The following SRPK1 variants were observed in gnomAD, a reference collection of about 807,000 sequenced individuals.
SRPK1 encodes SFRS protein kinase 1.
SRPK1 carries 52 observed loss-of-function variants against 89.5 expected under a neutral mutation model. The observed-to-expected ratio is 0.58, with a 90% CI of 0.46 to 0.73. SRPK1 has a LOEUF of 0.73. Among genes scored for constraint, SRPK1 ranks in the 30% least tolerant of loss-of-function variants. The pLI is 0.00. For missense variants in SRPK1, 603 were observed against 780.6 expected, an observed-to-expected ratio of 0.77 and a Z score of 2.71; for synonymous variants, 255 against 270.2, an observed-to-expected ratio of 0.94 and a Z score of 0.55.
At chr6:35,868,987 C>T (rs1286157284) in intron 12 of SRPK1, 23 bp downstream of exon 12, 5 of 1,599,098 alleles carry the variant, frequency 3.1e-6, no homozygotes, top group Admixed American at 3.4e-5. Context: ...CTTCAAAACA[C>T]CATTAAGGCA....
chr6:35,857,073 G>A, intron 13 of SRPK1, 188 bp downstream of exon 13: 1 of 516,132 alleles, frequency 1.9e-6, no homozygotes, highest in Non-Finnish European at 3.4e-6. Flanking sequence ...GAACTTAGCA[G>A]TAACCAAATG....
chr6:35,897,195 A>C (rs1426061323), intron 2 of SRPK1, among the ~76,000 whole-genome samples: 1 of 152,216 alleles, frequency 6.6e-6, no homozygotes, highest in Non-Finnish European at 1.5e-5. Flanking sequence ...AGATGGGTGA[A>C]TTTATGGCAT....
chr6:35,866,480 G>C (rs1769907672), intron 12 of SRPK1, among the ~76,000 whole-genome samples: 1 of 152,174 alleles, frequency 6.6e-6, no homozygotes, highest in African/African-American at 2.4e-5. Flanking sequence ...AGCTACGCGG[G>C]AAGGGTGAGG....
chr6:35,865,000 G>T (rs1769863571), intron 12 of SRPK1, among the ~76,000 whole-genome samples: 1 of 152,086 alleles, frequency 6.6e-6, no homozygotes, highest in Non-Finnish European at 1.5e-5. Context: ...TAGAACTCAA[G>T]GACACAGAGA....
intron 5 of SRPK1, 43 bp from the exon 6 acceptor site, chr6:35,886,854 G>C (rs1427896617): frequency 1.7e-5 from 19 of 1,144,126 alleles, no homozygotes; most frequent in Non-Finnish European, 2.4e-5. Flanking sequence ...GGTAAAGCAT[G>C]GAAATAAACC....
At chr6:35,892,025 C>G (rs1338079104) in intron 2 of SRPK1, among the ~76,000 whole-genome samples, 1 of 152,058 alleles carries the variant, frequency 6.6e-6, no homozygotes, top group Non-Finnish European at 1.5e-5. Flanking sequence ...GGAATATTTC[C>G]TTCTAGTCAG....
chr6:35,921,009 T>C (rs1243367765), intron 1 of SRPK1, 35 bp downstream of exon 1: 10 of 1,531,982 alleles, frequency 6.5e-6, no homozygotes, highest in East Asian at 2.6e-5. Flanking sequence ...CCGGCGACCA[T>C]TGCCCCTCGT....
At chr6:35,906,700 T>C (rs2127266335) in intron 2 of SRPK1, among the ~76,000 whole-genome samples, 1 of 152,230 alleles carries the variant, frequency 6.6e-6, no homozygotes, top group Admixed American at 6.5e-5. Flanking sequence ...TAGGTCCAGG[T>C]TTCTTTTGGA....
At chr6:35,886,395 A>AT (rs1770410703) in intron 6 of SRPK1, among the ~76,000 whole-genome samples, 1 of 152,156 alleles carries the variant, frequency 6.6e-6, no homozygotes, top group Non-Finnish European at 1.5e-5. Flanking sequence ...AGTATTTTTC[A>AT]TAAGAAATTA....
At chr6:35,849,791 A>T (rs1451813498) in intron 13 of SRPK1, among the ~76,000 whole-genome samples, 1 of 152,216 alleles carries the variant, frequency 6.6e-6, no homozygotes. Context: ...AAATCTAAAA[A>T]ATTCCCCAAA....
chr6:35,858,730 A>C (rs1769717382), intron 12 of SRPK1, among the ~76,000 whole-genome samples: 1 of 152,218 alleles, frequency 6.6e-6, no homozygotes, highest in South Asian at 2.1e-4. Context: ...TCTACAAAAA[A>C]GATGACATAA....
intron 12 of SRPK1, among the ~76,000 whole-genome samples, chr6:35,864,477 G>A (rs1769852105): frequency 6.6e-6 from 1 of 152,106 alleles, no homozygotes; most frequent in South Asian, 2.1e-4. Flanking sequence ...ATCAGAGAAA[G>A]GCAAATCAAA....
intron 2 of SRPK1, among the ~76,000 whole-genome samples, chr6:35,901,069 T>C (rs756498039): frequency 6.6e-6 from 1 of 152,238 alleles, no homozygotes; most frequent in Admixed American, 6.5e-5. Context: ...TTTGAAACTT[T>C]AGTTTACTTA....
chr6:35,889,521 C>T (rs1770475091), intron 3 of SRPK1, among the ~76,000 whole-genome samples: 1 of 151,462 alleles, frequency 6.6e-6, no homozygotes, highest in Non-Finnish European at 1.5e-5. Flanking sequence ...TGGTGGCTCA[C>T]GCGTGTAATC....
At chr6:35,838,547 A>C in intron 14 of SRPK1, 118 bp from the exon 15 acceptor site, 1 of 1,330,420 alleles carries the variant, frequency 7.5e-7, no homozygotes, top group Non-Finnish European at 1.0e-6. Context: ...AAAGCCTATC[A>C]GGCTTACTTT....
rs151261318 is a variant in SRPK1 at position 35,880,630 on chromosome 6, G to A, written c.478+6094C>T. Among the ~76,000 whole-genome samples, 779 of 149,580 alleles carry A rather than the reference G, an allele frequency of 5.2e-3. 5 individuals are homozygous for A. The highest frequency in any genetic ancestry group is 7.8e-3 in the Non-Finnish European group (530 of 67,588). ...CCACCTACTTGGGAGGCTGAGGCAG[G>A]AGAATGGCTTGAACCCGGGAGGCAG... On this transcript the variant is annotated intron_variant, in intron 6 of 15. Coordinates refer to ENST00000373825, the MANE Select transcript of SRPK1 (RefSeq NM_003137.5).
intron 12 of SRPK1, among the ~76,000 whole-genome samples, chr6:35,861,149 C>T (rs1769774595): frequency 6.6e-6 from 1 of 152,132 alleles, no homozygotes; most frequent in Non-Finnish European, 1.5e-5. Flanking sequence ...AACAGATTGT[C>T]CAGGAAGGAA....
chr6:35,916,897 G>A (rs780107013), intron 2 of SRPK1, among the ~76,000 whole-genome samples: 16 of 151,866 alleles, frequency 1.1e-4, no homozygotes, highest in Non-Finnish European at 1.9e-4. Context: ...TCTCTACCCC[G>A]AAAAATACAA....
chr6:35,882,109 GTAGTAGTAC>G (rs1168650866), intron 6 of SRPK1, among the ~76,000 whole-genome samples: 1 of 128,160 alleles, frequency 7.8e-6, no homozygotes, highest in Admixed American at 8.1e-5. Flanking sequence ...AGCAATAGTA[GTAGTAGTAC>G]TAGTAGTAGT....
Sources: gnomAD v4.1 joint callset for allele counts (sites outside exome capture counted in the v4.1 genomes callset) on GRCh38, gnomAD v4.1.1 for gene constraint, MANE v1.5 for transcripts, NCBI Gene and HGNC (gene_info 2026-07-23, HGNC 2026-07-21) for gene names.